Variants in WRAP53 observed in about 807,000 individuals in gnomAD.
WRAP53 encodes the protein WD repeat containing antisense to TP53, also known as telomerase Cajal body protein 1.
A neutral mutation model predicts 56.6 loss-of-function variants in WRAP53; 28 were observed. The ratio of observed to expected loss-of-function variants is 0.50; its 90% confidence interval spans 0.37 to 0.68. WRAP53 has a LOEUF of 0.68. Among genes scored for constraint, WRAP53 ranks in the 30% least tolerant of loss-of-function variants. The pLI is 0.00. For synonymous variants in WRAP53, 283 were observed against 283.4 expected (o/e 1.00, Z 0.01); for missense variants, 671 against 715.5 (o/e 0.94, Z 0.71).
intron 4 of WRAP53, among the ~76,000 whole-genome samples, chr17:7,691,145 G>T (rs7225728): frequency 0.054 from 8,179 of 151,578 alleles, 491 homozygotes; most frequent in African/African-American, 0.15. Flanking sequence ...GGAGATGGAG[G>T]TTGCAGTGAG....
At chr17:7,692,258 T>A (rs1438903968) in intron 4 of WRAP53, among the ~76,000 whole-genome samples, 1 of 151,960 alleles carries the variant, frequency 6.6e-6, no homozygotes, top group Non-Finnish European at 1.5e-5. Context: ...GATGGGTGGA[T>A]CACCTGAGGT....
At position 7,701,911 on chromosome 17, in the gene WRAP53, C is replaced by T. The variant is rs780367295; in HGVS notation, c.955+122C>T. 4 of 1,487,468 alleles carry T rather than the reference C, an allele frequency of 2.7e-6. No homozygotes were observed. The South Asian group carries it at 3.6e-5, about 14-fold the overall frequency. 92.1% of individuals were successfully genotyped at this position (1,487,468 alleles called of 1,614,324 possible). A position where few individuals can be genotyped will look rare whatever the true frequency, so the allele number is the denominator to read the frequency against. On this transcript the variant is annotated intron_variant, in intron 7 of 10. Transcript: ENST00000396463. The surrounding 1 kb of genome is among the most constrained non-coding windows in gnomAD (Gnocchi z 4.2). ...GCCGTCCTCTGTACGGCCCCGGGAG[C>T]AGGTGCAGCCCAGTCGGCAGAGGAG... is the stretch of plus-strand genomic sequence containing the variant.
chr17:7,699,256 C>A (rs1378316788), intron 4 of WRAP53, among the ~76,000 whole-genome samples: 1 of 149,450 alleles, frequency 6.7e-6, no homozygotes, highest in East Asian at 2.0e-4. Context: ...CCTGTCTATA[C>A]TAAAAATACA....
intron 4 of WRAP53, among the ~76,000 whole-genome samples, 189 bp from the exon 5 acceptor site, chr17:7,700,552 A>T (rs1010725206): frequency 2.0e-5 from 3 of 151,978 alleles, no homozygotes; most frequent in African/African-American, 7.3e-5. Flanking sequence ...AATAATAAAA[A>T]AAAAAAAGTA....
intron 4 of WRAP53, among the ~76,000 whole-genome samples, chr17:7,697,429 A>T (rs1363464259): frequency 2.0e-5 from 3 of 152,142 alleles, no homozygotes; most frequent in African/African-American, 7.2e-5. Flanking sequence ...AGGCCGAGGT[A>T]GGCAGATCAC....
At position 7,702,190 on chromosome 17, in the gene WRAP53, G is replaced by T; in HGVS notation, c.956-154G>T. ...TCCTTTGGGAGGATAGATGTGGGGA[G>T]CATCAGAGGTCTTTGTCCTGCTTGT... On this transcript the variant is annotated intron_variant, in intron 7 of 10. Transcript: ENST00000396463. The surrounding 1 kb of genome is among the most constrained non-coding windows in gnomAD (Gnocchi z 5.0). The T allele has an allele frequency of 1.3e-6, 1 of 799,996 alleles. No homozygotes were observed. Among genetic ancestry groups the T allele is most frequent in the Non-Finnish European group, 2.1e-6 (1 of 480,162 alleles). 49.6% of individuals were successfully genotyped at this position (799,996 alleles called of 1,614,324 possible). A position where few individuals can be genotyped will look rare whatever the true frequency, so the allele number is the denominator to read the frequency against.
In WRAP53 at chr17:7,689,652, T is replaced by C. The variant is rs2074082577; in HGVS notation, c.593T>C (p.Leu198Pro). Residue 198 changes from leucine to proline, a missense_variant, in exon 4 of 11, where the codon CTG (leucine) becomes CCG (proline). Transcript: ENST00000396463. Reference protein sequence around the residue: ...SADNILRIYNLPPELYHEGEQ... With the variant: ...SADNILRIYNPPPELYHEGEQ... Reference sequence around the variant, plus strand: ...GATAACATCTTGCGAATTTATAACCTGCCCCCAGAGCTGTACCATGAGGGG... The same window carrying C: ...GATAACATCTTGCGAATTTATAACCCGCCCCCAGAGCTGTACCATGAGGGG... 1.9e-6 allele frequency: 3 copies of C among 1,614,108 alleles called. No homozygotes were observed. Among genetic ancestry groups the C allele is most frequent in the African/African-American group, 2.7e-5 (2 of 75,024 alleles).
intron 4 of WRAP53, among the ~76,000 whole-genome samples, chr17:7,691,243 A>C (rs916599325): frequency 4.8e-5 from 7 of 146,926 alleles, no homozygotes; most frequent in Non-Finnish European, 8.9e-5. Context: ...CAAACAAACA[A>C]ACACAAAACA....
In WRAP53 at chr17:7,700,628, G is replaced by C. The variant is rs78777775; in HGVS notation, c.643-113G>C. On this transcript the variant is annotated intron_variant, in intron 4 of 10. Coordinates refer to ENST00000396463, the MANE Select transcript of WRAP53 (RefSeq NM_001143992.2). ...GTCTGAGCTCACCCTTGAACATTGA[G>C]ACAGAGTCTGTGCTCCATATATACA... 5,361 of 778,806 alleles carry C rather than the reference G, an allele frequency of 6.9e-3. 181 individuals are homozygous for C. The African/African-American group carries it at 0.075, about 11-fold the overall frequency. The allele number at this position is 778,806 out of a possible 1,614,324, so 48.2% of individuals were successfully genotyped here.
In WRAP53 at chr17:7,703,050, G is replaced by A. The variant is rs538443265; in HGVS notation, c.1326G>A (p.Thr442=). The change falls in exon 10 of 11, where the codon ACG becomes ACA. Residue 442 remains threonine, a synonymous_variant. Transcript: ENST00000396463. ...GCGGGGCTGTCTCTGTGTGGGACACGGACGGGCCTGGCAATGATGGGAAGC... is the reference window on the plus strand; with the variant it reads ...GCGGGGCTGTCTCTGTGTGGGACACAGACGGGCCTGGCAATGATGGGAAGC... ...STSGAVSVWD[T]DGPGNDGKPE... is the part of the protein sequence containing the mutation. The A allele has an allele frequency of 1.5e-5, 24 of 1,614,130 alleles. No individual in the cohort carries two copies. In the South Asian group the frequency reaches 2.1e-4, roughly 14 times the overall value.
chr17:7,703,027 G>C lies in WRAP53; in HGVS notation c.1303G>C (p.Gly435Arg). 1 of 1,614,086 alleles carries C rather than the reference G, an allele frequency of 6.2e-7. No homozygotes were observed. Among genetic ancestry groups the C allele is most frequent in the Non-Finnish European group, 8.5e-7 (1 of 1,180,020 alleles). ...GQFLVSGSTS[G>R]AVSVWDTDGP... ...GTTCCTAGTGAGTGGCAGCACGAGCGGGGCTGTCTCTGTGTGGGACACGGA... is the reference window on the plus strand; with the variant it reads ...GTTCCTAGTGAGTGGCAGCACGAGCCGGGCTGTCTCTGTGTGGGACACGGA... The change falls in exon 10 of 11, where the codon GGG (glycine) becomes CGG (arginine). Residue 435 changes from glycine (G) to arginine (R), a missense_variant. Physicochemically the swap from Gly to Arg is moderately radical, Grantham distance 125 (BLOSUM62 -2). Coordinates refer to ENST00000396463, the MANE Select transcript of WRAP53 (RefSeq NM_001143992.2).
chr17:7,688,300 C>T (rs1394905794), upstream of WRAP53: 2 of 319,584 alleles, frequency 6.3e-6, no homozygotes, highest in Non-Finnish European at 1.2e-5. Flanking sequence ...CCAGCAGCCA[C>T]GAGGAGCCCT....
chr17:7,696,556 C>T (rs2074189004), intron 4 of WRAP53, among the ~76,000 whole-genome samples: 1 of 152,122 alleles, frequency 6.6e-6, no homozygotes, highest in Non-Finnish European at 1.5e-5. Flanking sequence ...CCTTGGCCTC[C>T]CAAAGTGCTG....
In WRAP53 at chr17:7,703,365, A is replaced by G. The variant is rs2074302404; in HGVS notation, c.1526A>G (p.His509Arg). Residue 509 changes from histidine (H) to arginine (R), a missense_variant, in exon 11 of 11, where the codon CAC (histidine) becomes CGC (arginine). By Grantham distance (29) the His-to-Arg change is conservative. Transcript: ENST00000396463. ...GLPLLSTRHV[H>R]LECRLQLWWC... ...CCCTTGCTCTCCACGCGCCACGTCC[A>G]CCTTGAATGTCGGCTTCAGCTCTGG... The G allele has an allele frequency of 6.2e-7, 1 of 1,613,606 alleles. No homozygotes were observed. The highest frequency in any genetic ancestry group is 8.5e-7 in the Non-Finnish European group (1 of 1,179,894).
chr17:7,690,233 G>A (rs116194147), intron 4 of WRAP53, among the ~76,000 whole-genome samples: 3,865 of 152,358 alleles, frequency 0.025, 140 homozygotes, highest in African/African-American at 0.083. Flanking sequence ...ACAGGTGTGA[G>A]TCACCGTGCC....
chr17:7,701,709 T>C lies in WRAP53; in HGVS notation c.875T>C (p.Leu292Pro). 1 of 1,614,228 alleles carries C rather than the reference T, an allele frequency of 6.2e-7. No individual in the cohort carries two copies. Among genetic ancestry groups the C allele is most frequent in the Non-Finnish European group, 8.5e-7 (1 of 1,180,034 alleles). The change falls in exon 7 of 11, where the codon CTC (leucine) becomes CCC (proline). Residue 292 changes from leucine to proline, a missense_variant. This residue lies in a region of WRAP53 where 406 missense variants were observed against 418.5 expected (regional missense o/e 0.97). Transcript: ENST00000396463. This position sits in a 1 kb window ranked among gnomAD's most constrained non-coding sequence, Gnocchi z 4.2. ...TGCTTCTCCCCGGATGGCTCCCAGC[T>C]CTTCTGTGGCTTCAACCGGACTGTG... ...SLCFSPDGSQ[L>P]FCGFNRTVRV...
At chr17:7,697,773 T>C (rs2074205999) in intron 4 of WRAP53, among the ~76,000 whole-genome samples, 1 of 152,054 alleles carries the variant, frequency 6.6e-6, no homozygotes, top group South Asian at 2.1e-4. Context: ...ATGATGGAAA[T>C]ACAAATTTAT....
intron 4 of WRAP53, 23 bp from the exon 5 acceptor site, chr17:7,700,718 G>A (rs2074262328): frequency 6.3e-7 from 1 of 1,583,116 alleles, no homozygotes; most frequent in Admixed American, 1.7e-5. Context: ...GAGTGACTCA[G>A]CCATTCCCCC....
At position 7,689,599 on chromosome 17, in the gene WRAP53, C is replaced by A. The variant is rs775784125; in HGVS notation, c.540C>A (p.Asp180Glu). Reference protein sequence around the residue: ...NFLKGCKWAPDGSCILTNSAD... With the variant: ...NFLKGCKWAPEGSCILTNSAD... ...TCTCCCCTGTTTCTAGGGCTCCTGA[C>A]GGTTCCTGCATCTTGACCAATAGTG... Residue 180 changes from aspartate to glutamate, a missense_variant, in exon 4 of 11, where the codon GAC becomes GAA. Physicochemically the swap from Asp to Glu is conservative, Grantham distance 45. This residue lies in a region of WRAP53 where 406 missense variants were observed against 418.5 expected (regional missense o/e 0.97). Transcript: ENST00000396463. 6.2e-7 allele frequency: 1 copy of A among 1,614,062 alleles called. No homozygotes were observed. The highest frequency in any genetic ancestry group is 1.7e-5 in the Admixed American group (1 of 60,010).
Sources: allele counts gnomAD v4.1 joint callset (sites outside exome capture counted in the v4.1 genomes callset), GRCh38; gene constraint gnomAD v4.1.1; regional missense constraint gnomAD v4.1.1; non-coding constraint Gnocchi (gnomAD v3.1); transcripts MANE v1.5; gene names NCBI Gene and HGNC (gene_info 2026-07-23, HGNC 2026-07-21).